The following FHIT variants were observed in gnomAD, a reference collection of about 807,000 sequenced individuals.
FHIT encodes the protein fragile histidine triad diadenosine triphosphatase, also known as bis(5'-adenosyl)-triphosphatase.
In FHIT, 19 loss-of-function variants were observed where a neutral mutation model predicts 17.9. That is an observed-to-expected ratio of 1.06 (90% CI 0.74 to 1.56). FHIT has a LOEUF of 1.56. Among genes scored for constraint, FHIT ranks in the 40% most tolerant of loss-of-function variants. The pLI is 0.00. For synonymous variants in FHIT, 81 were observed against 69.7 expected, an observed-to-expected ratio of 1.16 and a Z score of -0.81; for missense variants, 248 against 189.2, an observed-to-expected ratio of 1.31 and a Z score of -1.82.
At chr3:60,101,546 T>C (rs892741464) in intron 5 of FHIT, among the ~76,000 whole-genome samples, 2 of 152,244 alleles carry the variant, frequency 1.3e-5, no homozygotes, top group African/African-American at 4.8e-5. Context: ...TTACGTATTT[T>C]TTTCTTCCTG....
chr3:60,787,652 TTG>T (rs1700627954), intron 4 of FHIT, among the ~76,000 whole-genome samples: 1 of 152,232 alleles, frequency 6.6e-6, no homozygotes, highest in Non-Finnish European at 1.5e-5. Context: ...CATTCTGTGT[TTG>T]TGAATTTGCC....
chr3:61,008,466 T>C (rs1055634957), intron 3 of FHIT, among the ~76,000 whole-genome samples: 1 of 150,734 alleles, frequency 6.6e-6, no homozygotes, highest in African/African-American at 2.4e-5. Context: ...ACAAAAGGAG[T>C]CTGGGGCTAG....
At chr3:60,039,949 C>A (rs1470214859) in intron 5 of FHIT, among the ~76,000 whole-genome samples, 2 of 152,138 alleles carry the variant, frequency 1.3e-5, no homozygotes, top group East Asian at 3.9e-4. Flanking sequence ...TTCTTTAATT[C>A]AGTCATAAAA....
chr3:60,224,975 C>T (rs1704126707), intron 5 of FHIT, among the ~76,000 whole-genome samples: 1 of 152,068 alleles, frequency 6.6e-6, no homozygotes, highest in African/African-American at 2.4e-5. Context: ...TTTGCCTAGG[C>T]CTCCCAAAGT....
chr3:60,615,358 T>C (rs1553675446), intron 4 of FHIT, among the ~76,000 whole-genome samples: 2 of 152,210 alleles, frequency 1.3e-5, no homozygotes, highest in Non-Finnish European at 2.9e-5. Flanking sequence ...GCTATGATCA[T>C]GTAGGAAACG....
chr3:59,988,686 T>C (rs1372203188), intron 7 of FHIT, among the ~76,000 whole-genome samples: 3 of 152,054 alleles, frequency 2.0e-5, no homozygotes, highest in Non-Finnish European at 1.5e-5. Context: ...GGTTTCAAAC[T>C]GAGATAAGGA....
chr3:60,327,870 G>A (rs1163224150), intron 5 of FHIT, among the ~76,000 whole-genome samples: 1 of 152,112 alleles, frequency 6.6e-6, no homozygotes, highest in Non-Finnish European at 1.5e-5. Flanking sequence ...TGGAGGGGCT[G>A]GCAGGCGAAG....
chr3:60,637,141 G>A (rs2039608222), intron 4 of FHIT, among the ~76,000 whole-genome samples: 1 of 152,100 alleles, frequency 6.6e-6, no homozygotes, highest in Non-Finnish European at 1.5e-5. Context: ...AGGGAAAGGT[G>A]CTTAGAGAAA....
At chr3:60,847,801 G>A (rs1157177468) in intron 3 of FHIT, among the ~76,000 whole-genome samples, 3 of 151,950 alleles carry the variant, frequency 2.0e-5, no homozygotes, top group African/African-American at 7.3e-5. Context: ...CCTATTAGTC[G>A]ACATTTCTGT....
intron 3 of FHIT, among the ~76,000 whole-genome samples, chr3:60,822,739 T>C (rs1553739741): frequency 6.6e-6 from 1 of 152,160 alleles, no homozygotes; most frequent in African/African-American, 2.4e-5. Flanking sequence ...ACATGTTAGA[T>C]GCTAGGGCAA....
intron 5 of FHIT, among the ~76,000 whole-genome samples, chr3:60,441,797 TA>T (rs2030893582): frequency 4.2e-5 from 5 of 120,464 alleles, no homozygotes; most frequent in Admixed American, 9.6e-5. Context: ...TATATATATA[TA>T]TATATATATA....
intron 3 of FHIT, among the ~76,000 whole-genome samples, chr3:60,966,260 G>C (rs972969181): frequency 2.0e-5 from 3 of 152,170 alleles, no homozygotes; most frequent in Non-Finnish European, 2.9e-5. Context: ...ATTATCTCCT[G>C]GTGTGCCCTT....
chr3:60,524,525 TG>T (rs1172112681), intron 5 of FHIT, among the ~76,000 whole-genome samples: 1 of 152,158 alleles, frequency 6.6e-6, no homozygotes, highest in East Asian at 1.9e-4. Flanking sequence ...TGAGCGAATG[TG>T]GGGAGCTTTG....
At chr3:60,629,037 C>G (rs553966100) in intron 4 of FHIT, among the ~76,000 whole-genome samples, 10 of 152,062 alleles carry the variant, frequency 6.6e-5, no homozygotes, top group Non-Finnish European at 1.0e-4. Context: ...CTCCCATACC[C>G]GGGGTAGAAC....
chr3:60,391,736 G>C (rs1432954673), intron 5 of FHIT, among the ~76,000 whole-genome samples: 5 of 152,138 alleles, frequency 3.3e-5, no homozygotes, highest in Non-Finnish European at 1.5e-5. Context: ...TAACTATGAT[G>C]TTCATACAAT....
intron 2 of FHIT, among the ~76,000 whole-genome samples, chr3:61,054,026 C>T (rs554315922): frequency 6.6e-6 from 1 of 152,144 alleles, no homozygotes; most frequent in Admixed American, 6.5e-5. Context: ...CTTGAAGAGA[C>T]CTGTCTGAAC....
At chr3:59,986,974 T>G (rs1483317965) in intron 7 of FHIT, among the ~76,000 whole-genome samples, 1 of 125,904 alleles carries the variant, frequency 7.9e-6, no homozygotes, top group African/African-American at 3.0e-5. Context: ...TAGGATTTAC[T>G]ATAGAAAAAT....
intron 5 of FHIT, among the ~76,000 whole-genome samples, chr3:60,093,170 G>C (rs372594018): frequency 2.0e-5 from 3 of 152,154 alleles, no homozygotes; most frequent in African/African-American, 7.2e-5. Flanking sequence ...AGGTCTCCAG[G>C]TGTGGGCAGA....
chr3:60,051,326 C>CTTTTTTTT lies in FHIT; in HGVS notation c.104-37182_104-37175dup, dbSNP rs773498624. On this transcript the variant is annotated intron_variant, in intron 5 of 9. Transcript: ENST00000492590. ...CACACCGAAAGCCTAATTTAGGATG[C>CTTTTTTTT]TTTTTTTTTTTTTTTTTGTAACAGC... 5.3e-5 allele frequency among the ~76,000 whole-genome samples: 7 copies of CTTTTTTTT among 131,902 alleles called. 1 individual carries two copies. The highest frequency in any genetic ancestry group is 6.4e-5 in the Non-Finnish European group (4 of 62,842). The allele number at this position is 131,902 out of a possible 152,430, so 86.5% of individuals were successfully genotyped here.
Sources: allele counts gnomAD v4.1 joint callset (sites outside exome capture counted in the v4.1 genomes callset), GRCh38; gene constraint gnomAD v4.1.1; transcripts MANE v1.5; gene names NCBI Gene and HGNC (gene_info 2026-07-23, HGNC 2026-07-21).